The following FSTL4 variants were observed in gnomAD, a reference collection of about 807,000 sequenced individuals.
FSTL4 encodes the protein follistatin-related protein 4.
In FSTL4, 28 loss-of-function variants were observed where a neutral mutation model predicts 78.2. That is an observed-to-expected ratio of 0.36 (90% confidence interval 0.27 to 0.49). The LOEUF (loss-of-function observed/expected upper bound fraction) is 0.49. Ranked by LOEUF, FSTL4 falls within the 20% of genes least tolerant of loss-of-function variation. The pLI is 0.98. For synonymous variants in FSTL4, 422 were observed against 440.5 expected, an observed-to-expected ratio of 0.96 and a Z score of 0.53; for missense variants, 922 against 1,084.9, an observed-to-expected ratio of 0.85 and a Z score of 2.11.
intron 4 of FSTL4, among the ~76,000 whole-genome samples, chr5:133,328,156 G>T (rs1212255080): frequency 1.3e-5 from 2 of 152,252 alleles, no homozygotes; most frequent in Non-Finnish European, 2.9e-5. Flanking sequence ...CCTTGCGCCT[G>T]GTTCCCCGGC....
chr5:133,242,155 TC>T (rs2126813906), intron 7 of FSTL4, among the ~76,000 whole-genome samples: 1 of 152,308 alleles, frequency 6.6e-6, no homozygotes, highest in East Asian at 1.9e-4. Context: ...TTTACTGCAG[TC>T]TTGTTTGCTG....
intron 4 of FSTL4, among the ~76,000 whole-genome samples, chr5:133,345,233 A>G (rs930980743): frequency 4.6e-5 from 7 of 152,178 alleles, no homozygotes; most frequent in African/African-American, 1.4e-4. Flanking sequence ...TGTGAAGGCA[A>G]GTGTCTGTTC....
Position 133,426,475 on chromosome 5 carries a change from C to T in FSTL4, c.161-25489G>A, listed in dbSNP as rs1316061257. On this transcript the variant is annotated intron_variant, in intron 3 of 15. Transcript: ENST00000265342. The surrounding 1 kb of genome is among the most constrained non-coding windows in gnomAD (Gnocchi z 5.0). ...TGGAGAATGTCATGAAGTTGGTCTC[C>T]AGACAGAGATCATTAGGAAGAGACT... 2.6e-5 allele frequency among the ~76,000 whole-genome samples: 4 copies of T among 152,164 alleles called. No individual in the cohort carries two copies. The highest frequency in any genetic ancestry group is 1.3e-4 in the Admixed American group (2 of 15,278).
At chr5:133,397,847 A>G (rs1295261089) in intron 4 of FSTL4, among the ~76,000 whole-genome samples, 1 of 152,240 alleles carries the variant, frequency 6.6e-6, no homozygotes, top group Non-Finnish European at 1.5e-5. Flanking sequence ...GAAATAGAGA[A>G]TGAAAGATGG....
chr5:133,465,871 T>C (rs1757696817), intron 3 of FSTL4, among the ~76,000 whole-genome samples: 1 of 152,212 alleles, frequency 6.6e-6, no homozygotes, highest in South Asian at 2.1e-4. Flanking sequence ...GATTTCCAAG[T>C]GATTTTATCG....
At chr5:133,455,974 T>C (rs1289723582) in intron 3 of FSTL4, among the ~76,000 whole-genome samples, 1 of 152,236 alleles carries the variant, frequency 6.6e-6, no homozygotes, top group Non-Finnish European at 1.5e-5. Context: ...AGTCGCCGAA[T>C]ACTTCTAGGT....
intron 3 of FSTL4, among the ~76,000 whole-genome samples, chr5:133,412,146 G>C (rs1424866883): frequency 6.6e-6 from 1 of 152,056 alleles, no homozygotes; most frequent in Non-Finnish European, 1.5e-5. Context: ...TAGATGAAAT[G>C]ATCTTAAAAA....
chr5:133,390,555 G>A (rs867774265), intron 4 of FSTL4, among the ~76,000 whole-genome samples: 2 of 152,232 alleles, frequency 1.3e-5, no homozygotes, highest in Non-Finnish European at 2.9e-5. Flanking sequence ...CCAGGATGCT[G>A]TACAGGGCTG....
chr5:133,721,443 G>A, the FSTL4 span, among the ~76,000 whole-genome samples: 1 of 152,116 alleles, frequency 6.6e-6, no homozygotes, highest in African/African-American at 2.4e-5. Flanking sequence ...ACTCTCTTAA[G>A]CATTTCTTGT....
chr5:133,321,354 G>GT (rs1754046226), intron 4 of FSTL4, among the ~76,000 whole-genome samples: 1 of 152,236 alleles, frequency 6.6e-6, no homozygotes, highest in African/African-American at 2.4e-5. Flanking sequence ...GACACTGTGT[G>GT]TGTTGGGCCT....
At chr5:133,707,155 C>A in the FSTL4 span, among the ~76,000 whole-genome samples, 1 of 152,190 alleles carries the variant, frequency 6.6e-6, no homozygotes, top group African/African-American at 2.4e-5. Flanking sequence ...TCACCTCTTC[C>A]CTGCTGCTGC....
intron 6 of FSTL4, among the ~76,000 whole-genome samples, chr5:133,279,181 G>A (rs1299803186): frequency 6.6e-6 from 1 of 152,228 alleles, no homozygotes; most frequent in Admixed American, 6.5e-5. Context: ...GCCGTGGATG[G>A]TCCATGGCCT....
At position 133,326,784 on chromosome 5, in the gene FSTL4, C is replaced by CAAAG. The variant is rs1425530590; in HGVS notation, c.410-10136_410-10133dup. On this transcript the variant is annotated intron_variant, in intron 4 of 15. Transcript: ENST00000265342. ...ATCTCCTAGACTGAGCTTCTTAAAG[C>CAAAG]AAAGACTGCTCCCAGCATCTTTGTA... 2.0e-5 allele frequency among the ~76,000 whole-genome samples: 3 copies of CAAAG among 152,338 alleles called. No homozygotes were observed. The East Asian group carries it at 5.8e-4, about 29-fold the overall frequency.
the FSTL4 span, among the ~76,000 whole-genome samples, chr5:133,786,489 T>C: frequency 1.3e-5 from 2 of 152,214 alleles, no homozygotes; most frequent in African/African-American, 2.4e-5. Context: ...ACCAAAGAAT[T>C]TGCCATATAA....
At chr5:133,808,068 G>T in the FSTL4 span, among the ~76,000 whole-genome samples, 1 of 152,184 alleles carries the variant, frequency 6.6e-6, no homozygotes, top group African/African-American at 2.4e-5. Context: ...ATCCTTGTTA[G>T]ATTACACAGA....
chr5:133,719,819 C>T, the FSTL4 span, among the ~76,000 whole-genome samples: 1 of 152,006 alleles, frequency 6.6e-6, no homozygotes, highest in Non-Finnish European at 1.5e-5. Flanking sequence ...ATAAAGCTCC[C>T]ATGTCCTATA....
intron 4 of FSTL4, among the ~76,000 whole-genome samples, chr5:133,363,820 C>T (rs533233457): frequency 6.6e-6 from 1 of 152,272 alleles, no homozygotes; most frequent in African/African-American, 2.4e-5. Context: ...GCTGCCCACA[C>T]CCTGCCCACC....
At chr5:133,670,284 A>G in the FSTL4 span, among the ~76,000 whole-genome samples, 32,227 of 152,216 alleles carry the variant, frequency 0.21, 3,606 homozygotes, top group Middle Eastern at 0.42. Flanking sequence ...GAGTCTGTTC[A>G]AATTGCAAAA....
the FSTL4 span, among the ~76,000 whole-genome samples, chr5:133,701,988 A>G: frequency 2.6e-5 from 4 of 152,168 alleles, no homozygotes; most frequent in Non-Finnish European, 5.9e-5. Flanking sequence ...TACCACTGTC[A>G]TGAATACCAA....
Sources: gnomAD v4.1 joint callset for allele counts (sites outside exome capture counted in the v4.1 genomes callset) on GRCh38, gnomAD v4.1.1 for gene constraint, Gnocchi (gnomAD v3.1) non-coding constraint, MANE v1.5 for transcripts, NCBI Gene and HGNC (gene_info 2026-07-23, HGNC 2026-07-21) for gene names.